MYT1L: variants seen among roughly 807,000 people sequenced by gnomAD.
The protein encoded by MYT1L is myelin transcription factor 1-like protein.
A neutral mutation model predicts 126.7 loss-of-function variants in MYT1L; 12 were observed. The ratio of observed to expected loss-of-function variants is 0.09; its 90% confidence interval spans 0.06 to 0.15. The LOEUF (loss-of-function observed/expected upper bound fraction) is 0.15, where lower values mean the gene tolerates loss of function less well. Ranked by LOEUF, MYT1L falls within the 10% of genes least tolerant of loss-of-function variation. The pLI, the probability that MYT1L is intolerant of heterozygous loss-of-function variation, is 1.00. For synonymous variants in MYT1L, 541 were observed against 604.2 expected (o/e 0.90, Z 1.53); for missense variants, 979 against 1,585.2 (o/e 0.62, Z 6.49).
chr2:2,113,443 T>C (rs2079756744), intron 3 of MYT1L, among the ~76,000 whole-genome samples: 1 of 152,208 alleles, frequency 6.6e-6, no homozygotes, highest in Non-Finnish European at 1.5e-5. Flanking sequence ...AGGTCACTCC[T>C]GCACCTGGAG....
chr2:2,093,131 C>T (rs550856265), intron 3 of MYT1L, among the ~76,000 whole-genome samples: 4 of 152,056 alleles, frequency 2.6e-5, no homozygotes, highest in Non-Finnish European at 4.4e-5. Flanking sequence ...TCTTAAAGAG[C>T]GTTTTCATTA....
chr2:2,159,954 G>A (rs560663070), intron 3 of MYT1L, among the ~76,000 whole-genome samples: 1 of 152,226 alleles, frequency 6.6e-6, no homozygotes, highest in African/African-American at 2.4e-5. Context: ...CTCCAGGCTG[G>A]ACACCCTGCG....
intron 3 of MYT1L, among the ~76,000 whole-genome samples, chr2:2,096,956 G>A (rs2077518266): frequency 6.6e-6 from 1 of 152,122 alleles, no homozygotes; most frequent in African/African-American, 2.4e-5. Flanking sequence ...GGGCTAGGGG[G>A]CCCAGCTCCT....
chr2:2,037,757 A>AAAAAC (rs548508138), intron 4 of MYT1L, among the ~76,000 whole-genome samples: 23 of 151,576 alleles, frequency 1.5e-4, no homozygotes, highest in South Asian at 1.5e-3. Flanking sequence ...ACTCCGTCTC[A>AAAAAC]AAAACAAAAC....
At chr2:2,149,278 C>T (rs562978097) in intron 3 of MYT1L, among the ~76,000 whole-genome samples, 29 of 152,178 alleles carry the variant, frequency 1.9e-4, no homozygotes, top group African/African-American at 6.3e-4. Context: ...TTAAAACCAG[C>T]GGAAAAGAAT....
At chr2:1,824,636 T>G (rs1261529660) in intron 21 of MYT1L, 1 of 152,280 alleles carries the variant, frequency 6.6e-6, no homozygotes, top group Non-Finnish European at 1.5e-5. Flanking sequence ...TGGGGAGCAC[T>G]GACCAGCACT....
At chr2:2,086,109 A>C (rs2150351066) in intron 3 of MYT1L, among the ~76,000 whole-genome samples, 1 of 152,348 alleles carries the variant, frequency 6.6e-6, no homozygotes, top group South Asian at 2.1e-4. Context: ...CCTGCTTATA[A>C]CATGCCTCTG....
intron 8 of MYT1L, among the ~76,000 whole-genome samples, chr2:1,976,769 T>A (rs983714539): frequency 1.3e-5 from 2 of 152,214 alleles, no homozygotes; most frequent in African/African-American, 2.4e-5. Flanking sequence ...TTTAAGAAAT[T>A]AAAATTTTTC....
chr2:1,843,832 G>A (rs895593718), intron 19 of MYT1L, among the ~76,000 whole-genome samples: 1 of 152,190 alleles, frequency 6.6e-6, no homozygotes, highest in Non-Finnish European at 1.5e-5. Flanking sequence ...ACAGCTCTGG[G>A]CCACCATGGA....
At chr2:1,857,101 T>C (rs1229589398) in intron 18 of MYT1L, among the ~76,000 whole-genome samples, 3 of 152,046 alleles carry the variant, frequency 2.0e-5, no homozygotes, top group Non-Finnish European at 2.9e-5. Flanking sequence ...CACAGGAGCA[T>C]GAACACGAGG....
chr2:1,931,538 G>A (rs1558441611), intron 9 of MYT1L, among the ~76,000 whole-genome samples: 1 of 152,088 alleles, frequency 6.6e-6, no homozygotes, highest in Non-Finnish European at 1.5e-5. Flanking sequence ...CACGTCTGCT[G>A]GGCCTTGCAG....
intron 3 of MYT1L, among the ~76,000 whole-genome samples, chr2:2,137,573 A>G (rs1385655758): frequency 6.6e-6 from 1 of 152,252 alleles, no homozygotes; most frequent in African/African-American, 2.4e-5. Context: ...AAACCTGCGA[A>G]AAACAAGCAA....
chr2:1,806,692 C>A lies in MYT1L; in HGVS notation c.3172+2384G>T, dbSNP rs556501334. Among the ~76,000 whole-genome samples, 1 of 152,320 alleles carries A rather than the reference C, an allele frequency of 6.6e-6. No individual in the cohort carries two copies. The highest frequency in any genetic ancestry group is 1.5e-5 in the Non-Finnish European group (1 of 68,036). The stretch of plus-strand genomic sequence containing the variant: ...CCTCAGGGATCTGCCCACCGCCGCC[C>A]AGGTGGACCAGCCCAGGTGTGAATG... On this transcript the variant is annotated intron_variant, in intron 22 of 24. Transcript: ENST00000647738. This position sits in a 1 kb window ranked among gnomAD's most constrained non-coding sequence, Gnocchi z 4.9.
rs77652688 is a variant in MYT1L at position 2,117,503 on chromosome 2, C to G, written c.-304+55369G>C. Among the ~76,000 whole-genome samples the G allele has an allele frequency of 4.0e-3, 606 of 152,170 alleles. 2 individuals are homozygous for G. Among genetic ancestry groups the G allele is most frequent in the African/African-American group, 0.014 (586 of 41,516 alleles). ...TATGATGGAAGACGTGTGTCACTCCCAAGGAAGCCTGGATACAAAAAGCAT... is the reference window on the plus strand; with the variant it reads ...TATGATGGAAGACGTGTGTCACTCCGAAGGAAGCCTGGATACAAAAAGCAT... On this transcript the variant is annotated intron_variant, in intron 3 of 24. Coordinates refer to ENST00000647738, the MANE Select transcript of MYT1L (RefSeq NM_001303052.2).
At chr2:2,319,570 C>T (rs1013261638) in intron 1 of MYT1L, among the ~76,000 whole-genome samples, 2 of 151,970 alleles carry the variant, frequency 1.3e-5, no homozygotes, top group Admixed American at 1.3e-4. Context: ...TGATACAATG[C>T]CATGCTGTTG....
rs369099302 is a variant in MYT1L at position 2,163,711 on chromosome 2, C to T, written c.-304+9161G>A. On this transcript the variant is annotated intron_variant, in intron 3 of 24. Coordinates refer to ENST00000647738, the MANE Select transcript of MYT1L (RefSeq NM_001303052.2). ...TGAGATAGCGCCACTGCACTCCAGC[C>T]TGGGTGAAAGAGTGAGACTCCGTCT... Among the ~76,000 whole-genome samples, 199 of 150,824 alleles carry T rather than the reference C, an allele frequency of 1.3e-3. 1 individual carries two copies. Among genetic ancestry groups the T allele is most frequent in the African/African-American group, 4.5e-3 (185 of 41,126 alleles).
chr2:2,166,667 A>C (rs2089178168), intron 3 of MYT1L, among the ~76,000 whole-genome samples: 1 of 152,170 alleles, frequency 6.6e-6, no homozygotes, highest in South Asian at 2.1e-4. Context: ...GTTTCTTTTA[A>C]ATTTTGTTTT....
intron 1 of MYT1L, among the ~76,000 whole-genome samples, chr2:2,286,194 G>T (rs2095517842): frequency 1.3e-5 from 2 of 152,116 alleles, no homozygotes; most frequent in African/African-American, 4.8e-5. Flanking sequence ...TGTTGGTCAG[G>T]CTGGTCTTGA....
chr2:2,171,717 C>T (rs2090084502), intron 3 of MYT1L, among the ~76,000 whole-genome samples: 1 of 152,030 alleles, frequency 6.6e-6, no homozygotes, highest in Non-Finnish European at 1.5e-5. Context: ...TGAGTTTCTT[C>T]AGGGAAAATG....
Sources: allele counts gnomAD v4.1 joint callset (sites outside exome capture counted in the v4.1 genomes callset), GRCh38; gene constraint gnomAD v4.1.1; non-coding constraint Gnocchi (gnomAD v3.1); transcripts MANE v1.5; gene names NCBI Gene and HGNC (gene_info 2026-07-23, HGNC 2026-07-21).